Variants in LRP1 observed in about 807,000 individuals in gnomAD.
LRP1 encodes the protein prolow-density lipoprotein receptor-related protein 1.
Under a neutral mutation model 541.5 loss-of-function variants are expected in LRP1, and 51 were observed. That is an observed-to-expected ratio of 0.09 (90% CI 0.08 to 0.12). LRP1 has a LOEUF of 0.12. Ranked by LOEUF, LRP1 falls within the 10% of genes least tolerant of loss-of-function variation. LRP1 has a pLI of 1.00. For missense variants in LRP1, 3,878 were observed against 6,376.2 expected (o/e 0.61, Z 13.34); for synonymous variants, 2,219 against 2,470.8 (o/e 0.90, Z 3.02).
chr12:57,143,494 C>T (rs961225049), intron 3 of LRP1, among the ~76,000 whole-genome samples, 185 bp from the exon 4 acceptor site: 1 of 152,222 alleles, frequency 6.6e-6, no homozygotes, highest in African/African-American at 2.4e-5. Flanking sequence ...GTCTTATAGC[C>T]TCTCTGGGCT....
intron 77 of LRP1, 24 bp downstream of exon 77, chr12:57,208,240 G>T (rs2036829509): frequency 1.2e-6 from 2 of 1,605,740 alleles, no homozygotes; most frequent in Non-Finnish European, 1.7e-6. Context: ...CTGGGGGGAG[G>T]CCTCTGGGCT....
intron 1 of LRP1, among the ~76,000 whole-genome samples, chr12:57,131,781 T>C (rs2035044274): frequency 6.6e-6 from 1 of 152,130 alleles, no homozygotes; most frequent in South Asian, 2.1e-4. Flanking sequence ...CAACCACCCT[T>C]CCACCACTGA....
At chr12:57,137,299 G>A (rs2035192940) in intron 1 of LRP1, among the ~76,000 whole-genome samples, 1 of 146,844 alleles carries the variant, frequency 6.8e-6, no homozygotes, top group South Asian at 2.3e-4. Flanking sequence ...CTCCTTGGGG[G>A]ATGAGGGAAG....
At chr12:57,175,401 G>A (rs1592632250) in intron 22 of LRP1, 59 bp from the exon 23 acceptor site, 3 of 1,601,710 alleles carry the variant, frequency 1.9e-6, no homozygotes, top group East Asian at 2.2e-5. Flanking sequence ...GCAGGGCCGT[G>A]GTCTTGCCTC....
intron 20 of LRP1, among the ~76,000 whole-genome samples, chr12:57,172,820 G>A (rs778777744): frequency 3.9e-5 from 6 of 152,216 alleles, no homozygotes; most frequent in Admixed American, 6.5e-5. Context: ...ACAGCGCCTG[G>A]CACACAGGAG....
chr12:57,134,990 C>T (rs2035126361), intron 1 of LRP1, among the ~76,000 whole-genome samples: 1 of 152,212 alleles, frequency 6.6e-6, no homozygotes, highest in African/African-American at 2.4e-5. Flanking sequence ...CAGGCATGAG[C>T]CACCATGCCC....
At chr12:57,210,632 G>A (rs1034368287) in intron 82 of LRP1, 86 bp from the exon 83 acceptor site, 275 of 1,495,236 alleles carry the variant, frequency 1.8e-4, no homozygotes, top group Non-Finnish European at 1.8e-4. Context: ...TCTGCTTCTC[G>A]CCCAGGTCCC....
At chr12:57,208,647 C>T (rs1565756679) in intron 77 of LRP1, 64 bp from the exon 78 acceptor site, 1 of 980,862 alleles carries the variant, frequency 1.0e-6, no homozygotes, top group Non-Finnish European at 1.6e-6. Flanking sequence ...AAGCTGGTGT[C>T]CTGCCTGGGC....
At position 57,198,551 on chromosome 12, in the gene LRP1, C is replaced by T. The variant is rs921227735; in HGVS notation, c.9557C>T (p.Thr3186Ile). 1.1e-5 allele frequency: 17 copies of T among 1,614,072 alleles called. No homozygotes were observed. In the Middle Eastern group the frequency reaches 1.5e-3, roughly 141 times the overall value. The part of the protein sequence containing the change: ...DGSSRSVIVD[T>I]KITWPNGLTL... ...TCCAGCCGCAGCGTCATCGTGGACA[C>T]CAAGATCACATGGCCCAATGGCCTG... is the stretch of plus-strand genomic sequence containing the variant. The change falls in exon 60 of 89, where the codon ACC (threonine) becomes ATC (isoleucine). Residue 3186 changes from threonine (T) to isoleucine (I), a missense_variant. Coordinates refer to ENST00000243077, the MANE Select transcript of LRP1 (RefSeq NM_002332.3).
At chr12:57,130,449 C>T (rs1292482646) in intron 1 of LRP1, among the ~76,000 whole-genome samples, 3 of 151,248 alleles carry the variant, frequency 2.0e-5, no homozygotes, top group East Asian at 1.9e-4. Flanking sequence ...TTAGCTGCCC[C>T]GGAGGAGGAG....
At position 57,205,546 on chromosome 12, in the gene LRP1, T is replaced by C. The variant is rs779354987; in HGVS notation, c.11471-12T>C. ...AACTGTGGACTCTCATGACCCTCCC[T>C]GTAACCCTTAGACATCAACGAGTGC... On this transcript the variant is annotated splice_polypyrimidine_tract_variant and intron_variant, in intron 74 of 88. Coordinates refer to ENST00000243077, the MANE Select transcript of LRP1 (RefSeq NM_002332.3). The surrounding 1 kb of genome is among the most constrained non-coding windows in gnomAD (Gnocchi z 4.6). The C allele has an allele frequency of 3.7e-6, 6 of 1,613,850 alleles. No homozygotes were observed. The highest frequency in any genetic ancestry group is 5.1e-6 in the Non-Finnish European group (6 of 1,180,000).
Position 57,179,932 on chromosome 12 carries a change from G to C in LRP1, c.5117G>C (p.Gly1706Ala), listed in dbSNP as rs1360739700. 6.2e-7 allele frequency: 1 copy of C among 1,614,106 alleles called. No homozygotes were observed. The highest frequency in any genetic ancestry group is 8.5e-7 in the Non-Finnish European group (1 of 1,180,024). The change falls in exon 30 of 89, where the codon GGC becomes GCC. Residue 1706 changes from glycine (G) to alanine (A), a missense_variant. Transcript: ENST00000243077. This position sits in a 1 kb window ranked among gnomAD's most constrained non-coding sequence, Gnocchi z 6.8. ...AVVQGLEQPH[G>A]LVVHPLRGKL... is the part of the protein sequence containing the mutation. ...GTGCAGGGCCTGGAGCAGCCCCATG[G>C]CCTTGTCGTCCACCCTCTGCGTGGG...
rs1200164844 is a variant in LRP1 at position 57,185,350 on chromosome 12, G to T, written c.6463+145G>T. The T allele has an allele frequency of 3.7e-6, 5 of 1,369,562 alleles. No individual in the cohort carries two copies. The highest frequency in any genetic ancestry group is 5.0e-6 in the Non-Finnish European group (5 of 1,008,216). 84.8% of individuals were successfully genotyped at this position (1,369,562 alleles called of 1,614,324 possible). A position where few individuals can be genotyped will look rare whatever the true frequency, so the allele number is the denominator to read the frequency against. The stretch of plus-strand genomic sequence containing the variant: ...CCGATGGCCCGAGAGACCCAGGGAT[G>T]GGGAGGAAAGGCTGAGGTGCTCTGG... On this transcript the variant is annotated intron_variant, in intron 40 of 88. Transcript: ENST00000243077. This position sits in a 1 kb window ranked among gnomAD's most constrained non-coding sequence, Gnocchi z 4.9.
intron 1 of LRP1, among the ~76,000 whole-genome samples, chr12:57,136,017 A>G (rs2035154080): frequency 6.6e-6 from 1 of 152,162 alleles, no homozygotes; most frequent in African/African-American, 2.4e-5. Context: ...CTGGGCTCCA[A>G]ACATCTCATC....
chr12:57,182,288 A>G (rs2036181008), intron 34 of LRP1, among the ~76,000 whole-genome samples: 1 of 152,086 alleles, frequency 6.6e-6, no homozygotes, highest in African/African-American at 2.4e-5. Context: ...AGGCCGGCCG[A>G]TCACTTGAGG....
chr12:57,200,403 G>T, intron 62 of LRP1, 39 bp from the exon 63 acceptor site: 1 of 966,062 alleles, frequency 1.0e-6, no homozygotes, highest in South Asian at 1.3e-5. Flanking sequence ...GAGTCCCCCA[G>T]ACCCCCACCA....
chr12:57,173,395 CAGG>C lies in LRP1; in HGVS notation c.3346+51_3346+53del. Reference sequence around the variant, plus strand: ...GGCGTCTGGAACAGCACAATGTGGGCAGGAGGAGACCGTGTTGAGAGCAGAGTA... The same window carrying C: ...GGCGTCTGGAACAGCACAATGTGGGCAGGAGACCGTGTTGAGAGCAGAGTA... On this transcript the variant is annotated intron_variant, in intron 21 of 88. Transcript: ENST00000243077. The surrounding 1 kb of genome is among the most constrained non-coding windows in gnomAD (Gnocchi z 4.7). The C allele has an allele frequency of 1.3e-6, 2 of 1,583,446 alleles. No homozygotes were observed. The highest frequency in any genetic ancestry group is 1.7e-6 in the Non-Finnish European group (2 of 1,158,466).
rs866575694 is a variant in LRP1, at chr12:57,158,205, C to T, written c.1562-197C>T. Among the ~76,000 whole-genome samples the T allele has an allele frequency of 6.6e-6, 1 of 152,164 alleles. No individual in the cohort carries two copies. The highest frequency in any genetic ancestry group is 1.5e-5 in the Non-Finnish European group (1 of 68,024). On this transcript the variant is annotated intron_variant, in intron 10 of 88. Coordinates refer to ENST00000243077, the MANE Select transcript of LRP1 (RefSeq NM_002332.3). This position sits in a 1 kb window ranked among gnomAD's most constrained non-coding sequence, Gnocchi z 5.3. ...TACCCTTGGAGTGCAGAGGTCAGACCCCAGGGTATTGCGGCCAGGACCCAT... is the reference window on the plus strand; with the variant it reads ...TACCCTTGGAGTGCAGAGGTCAGACTCCAGGGTATTGCGGCCAGGACCCAT...
chr12:57,210,309 C>T lies in LRP1; in HGVS notation c.12583C>T (p.Pro4195Ser). ...CCCTTGACGGGCCCTTCCTGCAGCT[C>T]CCCGGCCTGGAACCTGTAACCTGCA... ...VPSPTPPPDAPRPGTCNLQCF... is the reference protein window; with the variant it reads ...VPSPTPPPDASRPGTCNLQCF... Residue 4195 changes from proline to serine, a missense_variant and splice_region_variant, in exon 82 of 89, where the codon CCC becomes TCC. Around this residue, in one of 13 missense-constraint regions of LRP1, gnomAD observed 871 missense variants for 1,212.4 expected, o/e 0.72. Transcript: ENST00000243077. 1 of 1,553,390 alleles carries T rather than the reference C, an allele frequency of 6.4e-7. No individual in the cohort carries two copies. The highest frequency in any genetic ancestry group is 8.7e-7 in the Non-Finnish European group (1 of 1,146,516).
Sources: allele counts gnomAD v4.1 joint callset (sites outside exome capture counted in the v4.1 genomes callset), GRCh38; gene constraint gnomAD v4.1.1; regional missense constraint gnomAD v4.1.1; non-coding constraint Gnocchi (gnomAD v3.1); transcripts MANE v1.5; gene names NCBI Gene and HGNC (gene_info 2026-07-23, HGNC 2026-07-21).